SH3PXD2A: variants seen among roughly 807,000 people sequenced by gnomAD.
SH3PXD2A encodes the protein SH3 and PX domains 2A, also known as SH3 and PX domain-containing protein 2A.
Under a neutral mutation model 115.2 loss-of-function variants are expected in SH3PXD2A, and 32 were observed. The observed-to-expected ratio is 0.28, with a 90% CI of 0.21 to 0.37. SH3PXD2A has a LOEUF of 0.37. Ranked by LOEUF, SH3PXD2A falls within the 10% of genes least tolerant of loss-of-function variation. SH3PXD2A has a pLI of 1.00. For synonymous variants in SH3PXD2A, 610 were observed against 629.1 expected, an observed-to-expected ratio of 0.97 and a Z score of 0.45; for missense variants, 1,328 against 1,498.7, an observed-to-expected ratio of 0.89 and a Z score of 1.88.
intron 2 of SH3PXD2A, among the ~76,000 whole-genome samples, chr10:103,792,379 C>T (rs1473602599): frequency 2.0e-5 from 3 of 152,120 alleles, no homozygotes; most frequent in Non-Finnish European, 2.9e-5. Flanking sequence ...TCTACATTAA[C>T]GGGGCACAGG....
At position 103,810,012 on chromosome 10, in the gene SH3PXD2A, G is replaced by A. The variant is rs545761947; in HGVS notation, c.73-8650C>T. 2.6e-5 allele frequency among the ~76,000 whole-genome samples: 4 copies of A among 152,296 alleles called. No homozygotes were observed. The South Asian group carries it at 8.3e-4, about 32-fold the overall frequency. On this transcript the variant is annotated intron_variant, in intron 1 of 14. Coordinates refer to ENST00000369774, the MANE Select transcript of SH3PXD2A (RefSeq NM_001394015.1). ...CCCCACTATTTATTTAAATGGGAGG[G>A]TAATGAGTAGGTGAGAGGGTCTGGA...
At chr10:103,821,117 A>G (rs1436228113) in intron 1 of SH3PXD2A, among the ~76,000 whole-genome samples, 1 of 151,860 alleles carries the variant, frequency 6.6e-6, no homozygotes, top group Non-Finnish European at 1.5e-5. Flanking sequence ...GCCCACAGAA[A>G]ACATTTAATG....
chr10:103,681,505 C>A (rs879942660), intron 6 of SH3PXD2A, among the ~76,000 whole-genome samples: 1 of 152,362 alleles, frequency 6.6e-6, no homozygotes, highest in South Asian at 2.1e-4. Flanking sequence ...CAGTGGCTCA[C>A]GCCTATAATC....
intron 8 of SH3PXD2A, among the ~76,000 whole-genome samples, chr10:103,656,987 G>A (rs1332819875): frequency 2.6e-5 from 4 of 151,698 alleles, no homozygotes; most frequent in Non-Finnish European, 4.4e-5. Context: ...ACAGTCTCTT[G>A]AGAAAGTCTG....
At chr10:103,608,162 A>AAAAAAAGTTTAC (rs1477742217) in intron 13 of SH3PXD2A, among the ~76,000 whole-genome samples, 1 of 145,376 alleles carries the variant, frequency 6.9e-6, no homozygotes, top group Non-Finnish European at 1.5e-5. Flanking sequence ...AAAAAAAAAA[A>AAAAAAAGTTTAC]AAAAAAAAGA....
At chr10:103,611,726 C>T (rs1483889210) in intron 12 of SH3PXD2A, 96 bp from the exon 13 acceptor site, 3 of 938,968 alleles carry the variant, frequency 3.2e-6, no homozygotes, top group Non-Finnish European at 5.3e-6. Context: ...CCTGATCCTT[C>T]AAGTTCATGC....
rs151104662 is a variant in SH3PXD2A at position 103,717,048 on chromosome 10, G to A, written c.398+7222C>T. Among the ~76,000 whole-genome samples, 337 of 152,292 alleles carry A rather than the reference G, an allele frequency of 2.2e-3. 2 individuals carry two copies. Among genetic ancestry groups the A allele is most frequent in the South Asian group, 0.01 (50 of 4,830 alleles). On this transcript the variant is annotated intron_variant, in intron 5 of 14. Transcript: ENST00000369774. ...TTATGTGTGCTAAAGCATCATCCTC[G>A]CAACTGCCTTTGGAGGCAGCAACGA...
intron 3 of SH3PXD2A, among the ~76,000 whole-genome samples, chr10:103,758,793 C>T (rs1275047456): frequency 6.6e-6 from 1 of 152,228 alleles, no homozygotes; most frequent in Non-Finnish European, 1.5e-5. Context: ...CACGGTGCCT[C>T]TCAGGCCTAT....
At chr10:103,748,365 T>C (rs1197485590) in intron 3 of SH3PXD2A, among the ~76,000 whole-genome samples, 2 of 152,142 alleles carry the variant, frequency 1.3e-5, no homozygotes, top group Non-Finnish European at 2.9e-5. Context: ...CTATCTTCCT[T>C]CCTTTCCCTG....
intron 2 of SH3PXD2A, among the ~76,000 whole-genome samples, chr10:103,800,480 G>A (rs2039136778): frequency 6.6e-6 from 1 of 152,230 alleles, no homozygotes; most frequent in African/African-American, 2.4e-5. Context: ...CAGTGCCAGA[G>A]GGAAGCAGAG....
intron 5 of SH3PXD2A, among the ~76,000 whole-genome samples, chr10:103,706,776 AC>A (rs1254781953): frequency 6.6e-6 from 1 of 152,014 alleles, no homozygotes; most frequent in Non-Finnish European, 1.5e-5. Context: ...GGATAGGCAG[AC>A]CCTGCATCTC....
At chr10:103,731,366 G>T (rs1428585491) in intron 4 of SH3PXD2A, among the ~76,000 whole-genome samples, 1 of 152,060 alleles carries the variant, frequency 6.6e-6, no homozygotes, top group East Asian at 1.9e-4. Flanking sequence ...TCACCATGTT[G>T]CCCAGGCTGG....
chr10:103,619,981 CTTTCCA>C (rs2036578776), intron 10 of SH3PXD2A, among the ~76,000 whole-genome samples: 2 of 152,234 alleles, frequency 1.3e-5, no homozygotes, highest in Non-Finnish European at 2.9e-5. Context: ...GAGGCATGGA[CTTTCCA>C]TGTGGACACA....
intron 6 of SH3PXD2A, among the ~76,000 whole-genome samples, chr10:103,672,217 A>G (rs1451211190): frequency 6.6e-6 from 1 of 152,224 alleles, no homozygotes; most frequent in Admixed American, 6.5e-5. Context: ...CCCGGGAGGC[A>G]GAAGGTGCAG....
At chr10:103,772,136 T>C (rs1176297516) in intron 2 of SH3PXD2A, among the ~76,000 whole-genome samples, 1 of 152,242 alleles carries the variant, frequency 6.6e-6, no homozygotes, top group African/African-American at 2.4e-5. Context: ...GTGGGGCTTG[T>C]ACTTGCAAAG....
chr10:103,850,132 C>T (rs1192917388), intron 1 of SH3PXD2A, among the ~76,000 whole-genome samples: 1 of 152,188 alleles, frequency 6.6e-6, no homozygotes, highest in Non-Finnish European at 1.5e-5. Flanking sequence ...CTCATGCTGG[C>T]CCCGGAATAT....
chr10:103,780,388 G>C (rs2134240208), intron 2 of SH3PXD2A, among the ~76,000 whole-genome samples: 1 of 152,298 alleles, frequency 6.6e-6, no homozygotes, highest in South Asian at 2.1e-4. Flanking sequence ...CCAAAGTCTT[G>C]TCAAAAGGAA....
At chr10:103,813,662 C>T (rs1005607919) in intron 1 of SH3PXD2A, among the ~76,000 whole-genome samples, 1 of 152,206 alleles carries the variant, frequency 6.6e-6, no homozygotes, top group Admixed American at 6.5e-5. Flanking sequence ...GTATAGCTTT[C>T]ATAATCTCCA....
At chr10:103,692,303 G>A (rs2037762265) in intron 6 of SH3PXD2A, among the ~76,000 whole-genome samples, 1 of 151,982 alleles carries the variant, frequency 6.6e-6, no homozygotes, top group South Asian at 2.1e-4. Context: ...CCACAGCTCC[G>A]AGGGCTGGCC....
Sources: allele counts gnomAD v4.1 joint callset (sites outside exome capture counted in the v4.1 genomes callset), GRCh38; gene constraint gnomAD v4.1.1; transcripts MANE v1.5; gene names NCBI Gene and HGNC (gene_info 2026-07-23, HGNC 2026-07-21).